CFAP77: variants seen among roughly 807,000 people sequenced by gnomAD.
CFAP77 encodes the protein cilia and flagella associated protein 77.
In CFAP77, 25 loss-of-function variants were observed where a neutral mutation model predicts 31.1. The ratio of observed to expected loss-of-function variants is 0.80; its 90% CI spans 0.59 to 1.12. The LOEUF (loss-of-function observed/expected upper bound fraction) is 1.12, where lower values mean the gene tolerates loss of function less well. Among genes scored for constraint, CFAP77 ranks in the 50% most tolerant of loss-of-function variants. The pLI is 0.00. For synonymous variants in CFAP77, 151 were observed against 159.9 expected, an observed-to-expected ratio of 0.94 and a Z score of 0.42; for missense variants, 377 against 397.3, an observed-to-expected ratio of 0.95 and a Z score of 0.44.
chr9:132,558,517 C>T (rs1043491329), intron 5 of CFAP77, among the ~76,000 whole-genome samples: 6 of 152,024 alleles, frequency 3.9e-5, no homozygotes, highest in Non-Finnish European at 7.4e-5. Flanking sequence ...CTAGCCTGGC[C>T]AACGTGGTGA....
At chr9:132,568,816 C>T (rs887442923) in intron 5 of CFAP77, among the ~76,000 whole-genome samples, 3 of 152,090 alleles carry the variant, frequency 2.0e-5, no homozygotes, top group African/African-American at 7.2e-5. Flanking sequence ...CCTCCCATCT[C>T]AGCCTCCCAA....
chr9:132,518,709 C>T (rs1189152393), intron 3 of CFAP77, among the ~76,000 whole-genome samples: 1 of 152,212 alleles, frequency 6.6e-6, no homozygotes, highest in Non-Finnish European at 1.5e-5. Context: ...CTGTCTGGAG[C>T]TCTCCTGCCC....
chr9:132,487,605 G>T (rs549544045), intron 1 of CFAP77, among the ~76,000 whole-genome samples: 2 of 147,186 alleles, frequency 1.4e-5, no homozygotes, highest in Non-Finnish European at 3.0e-5. Flanking sequence ...TAACGTGGTT[G>T]TAACAGTAGT....
At chr9:132,570,078 C>T (rs1299123962) in intron 5 of CFAP77, among the ~76,000 whole-genome samples, 2 of 152,176 alleles carry the variant, frequency 1.3e-5, no homozygotes, top group East Asian at 3.9e-4. Flanking sequence ...GATCGTGTCA[C>T]AGTGTAAACA....
chr9:132,508,413 C>A (rs1851974121), intron 3 of CFAP77, among the ~76,000 whole-genome samples: 1 of 152,146 alleles, frequency 6.6e-6, no homozygotes, highest in African/African-American at 2.4e-5. Flanking sequence ...GGTTCATAAA[C>A]AGGAAATCGT....
chr9:132,459,861 A>T (rs930862882), intron 1 of CFAP77, among the ~76,000 whole-genome samples: 8 of 139,420 alleles, frequency 5.7e-5, no homozygotes, highest in South Asian at 2.3e-4. Flanking sequence ...TCTGTGTGTG[A>T]GTGTGTGTAT....
rs518457 is a variant in CFAP77 at position 132,511,128 on chromosome 9, A to G, written c.524+11528A>G. Reference sequence around the variant, plus strand: ...TAAAACACAAAACAAACCAATATGCAATCAGCAGGTATAACAGCAAGGCAG... The same window carrying G: ...TAAAACACAAAACAAACCAATATGCGATCAGCAGGTATAACAGCAAGGCAG... On this transcript the variant is annotated intron_variant, in intron 3 of 5. Transcript: ENST00000393216. This position sits in a 1 kb window ranked among gnomAD's most constrained non-coding sequence, Gnocchi z 5.8. Among the ~76,000 whole-genome samples the G allele has an allele frequency of 0.17, 25,287 of 152,150 alleles. 2,810 individuals are homozygous for G. Among genetic ancestry groups the G allele is most frequent in the African/African-American group, 0.31 (12,885 of 41,442 alleles).
At chr9:132,413,913 T>A (rs951794764) in intron 1 of CFAP77, among the ~76,000 whole-genome samples, 1 of 152,064 alleles carries the variant, frequency 6.6e-6, no homozygotes, top group South Asian at 2.1e-4. Context: ...TAAAATAGAG[T>A]CATAGAGCAG....
At chr9:132,551,226 G>C (rs966894162) in intron 5 of CFAP77, among the ~76,000 whole-genome samples, 45 of 151,822 alleles carry the variant, frequency 3.0e-4, no homozygotes, top group African/African-American at 1.0e-3. Flanking sequence ...CAGCAGCAAT[G>C]ATAACATCAA....
At chr9:132,526,438 T>C (rs538532997) in intron 3 of CFAP77, among the ~76,000 whole-genome samples, 5 of 152,080 alleles carry the variant, frequency 3.3e-5, no homozygotes, top group African/African-American at 1.2e-4. Context: ...TTCACCGTGT[T>C]AGCCAGGATG....
intron 3 of CFAP77, among the ~76,000 whole-genome samples, chr9:132,519,863 A>AATGG (rs1370711141): frequency 6.7e-5 from 3 of 44,486 alleles, no homozygotes; most frequent in African/African-American, 1.7e-4. Flanking sequence ...TGGGTGGATG[A>AATGG]ATGGATGGAT....
intron 1 of CFAP77, among the ~76,000 whole-genome samples, chr9:132,463,544 A>G (rs547943303): frequency 6.6e-6 from 1 of 152,306 alleles, no homozygotes; most frequent in African/African-American, 2.4e-5. Context: ...GGTGTCCACC[A>G]CACAGCAGAG....
intron 1 of CFAP77, among the ~76,000 whole-genome samples, chr9:132,476,124 G>A (rs1447098821): frequency 1.3e-5 from 2 of 152,198 alleles, no homozygotes; most frequent in African/African-American, 2.4e-5. Context: ...AGGCAGATGA[G>A]CTTGCTTCTC....
intron 5 of CFAP77, among the ~76,000 whole-genome samples, chr9:132,543,894 A>G (rs1351095760): frequency 6.6e-6 from 1 of 152,016 alleles, no homozygotes; most frequent in Non-Finnish European, 1.5e-5. Flanking sequence ...CCGTACGGAG[A>G]AAGGGAAGTG....
At chr9:132,534,348 C>T (rs1261135387) in intron 3 of CFAP77, among the ~76,000 whole-genome samples, 1 of 152,118 alleles carries the variant, frequency 6.6e-6, no homozygotes, top group Non-Finnish European at 1.5e-5. Context: ...CACGGTGGCT[C>T]ATGCCTGTAA....
chr9:132,503,484 G>A (rs1258322013), intron 3 of CFAP77, among the ~76,000 whole-genome samples: 1 of 152,132 alleles, frequency 6.6e-6, no homozygotes, highest in Non-Finnish European at 1.5e-5. Flanking sequence ...TTCCCCCCAG[G>A]GCTTCTGTTT....
intron 3 of CFAP77, among the ~76,000 whole-genome samples, chr9:132,510,107 G>A (rs1265641335): frequency 2.0e-5 from 3 of 152,128 alleles, no homozygotes; most frequent in Non-Finnish European, 4.4e-5. Context: ...TGATGGGCCC[G>A]TAATGGATGG....
intron 5 of CFAP77, among the ~76,000 whole-genome samples, chr9:132,555,105 C>T (rs775128417): frequency 7.2e-5 from 11 of 152,284 alleles, no homozygotes; most frequent in Middle Eastern, 3.4e-3. Context: ...CTCCTGTCTG[C>T]GGACATTTCC....
chr9:132,566,571 C>A (rs1829886253), intron 5 of CFAP77, among the ~76,000 whole-genome samples: 2 of 152,170 alleles, frequency 1.3e-5, no homozygotes, highest in African/African-American at 4.8e-5. Context: ...GACTGGAACT[C>A]CCCTCTCCAC....
Sources: gnomAD v4.1 joint callset for allele counts (sites outside exome capture counted in the v4.1 genomes callset) on GRCh38, gnomAD v4.1.1 for gene constraint, Gnocchi (gnomAD v3.1) non-coding constraint, MANE v1.5 for transcripts, NCBI Gene and HGNC (gene_info 2026-07-23, HGNC 2026-07-21) for gene names.